Variants in RAB3GAP1 observed in about 807,000 individuals in gnomAD.
RAB3GAP1 encodes rab3 GTPase-activating protein catalytic subunit.
In RAB3GAP1, 86 loss-of-function variants were observed where a neutral mutation model predicts 130.7. The observed-to-expected ratio is 0.66, with a 90% CI of 0.55 to 0.79. The LOEUF is 0.79. Ranked by LOEUF, RAB3GAP1 falls within the 30% of genes least tolerant of loss-of-function variation. The probability of loss-of-function intolerance (pLI) is 0.00; values close to 1 mark genes in which losing one functional copy is unlikely to be tolerated. For missense variants in RAB3GAP1, 1,029 were observed against 1,169.4 expected (o/e 0.88, Z 1.75); for synonymous variants, 367 against 401.7 (o/e 0.91, Z 1.03).
chr2:135,157,735 G>T (rs950091829), intron 19 of RAB3GAP1, among the ~76,000 whole-genome samples: 1 of 151,730 alleles, frequency 6.6e-6, no homozygotes, highest in Admixed American at 6.6e-5. Context: ...AAGAGGCTGA[G>T]GCAGGAGAAT....
chr2:135,073,303 G>C (rs1010789982), intron 3 of RAB3GAP1, among the ~76,000 whole-genome samples: 3 of 152,206 alleles, frequency 2.0e-5, no homozygotes, highest in African/African-American at 7.2e-5. Flanking sequence ...GATTAGTACA[G>C]AGTAGGCAGC....
intron 22 of RAB3GAP1, among the ~76,000 whole-genome samples, chr2:135,164,080 A>G (rs1359557548): frequency 1.3e-5 from 2 of 152,224 alleles, no homozygotes; most frequent in Non-Finnish European, 2.9e-5. Context: ...TATCTGTGAC[A>G]TACTTGGAAG....
At chr2:135,056,251 G>A (rs1689007198) in intron 2 of RAB3GAP1, among the ~76,000 whole-genome samples, 1 of 151,956 alleles carries the variant, frequency 6.6e-6, no homozygotes, top group Admixed American at 6.6e-5. Flanking sequence ...TGCCCAGGCT[G>A]GGGTGCAGTG....
chr2:135,078,253 T>A (rs1689685030), intron 3 of RAB3GAP1, among the ~76,000 whole-genome samples: 1 of 152,180 alleles, frequency 6.6e-6, no homozygotes, highest in African/African-American at 2.4e-5. Context: ...AGTGAGGTTC[T>A]TTATGACTTC....
At chr2:135,097,115 A>G (rs61484003) in intron 5 of RAB3GAP1, among the ~76,000 whole-genome samples, 6,862 of 152,036 alleles carry the variant, frequency 0.045, 529 homozygotes, top group African/African-American at 0.16. Flanking sequence ...TATCAAAATC[A>G]GGAGATAGAA....
chr2:135,080,023 A>G (rs901033999), intron 3 of RAB3GAP1, among the ~76,000 whole-genome samples: 3 of 150,446 alleles, frequency 2.0e-5, no homozygotes, highest in Non-Finnish European at 4.4e-5. Context: ...AGGCTGAGGC[A>G]GGAGAATGGC....
intron 3 of RAB3GAP1, among the ~76,000 whole-genome samples, chr2:135,080,136 A>T (rs1689750977): frequency 6.6e-6 from 1 of 151,810 alleles, no homozygotes; most frequent in Non-Finnish European, 1.5e-5. Context: ...AAAAAAAAAA[A>T]AATGAGGTTA....
rs79467775 is a variant in RAB3GAP1, at chr2:135,119,412, A to G, written c.649-1407A>G. Among the ~76,000 whole-genome samples the G allele has an allele frequency of 1.1e-4, 16 of 152,100 alleles. No individual in the cohort carries two copies. The East Asian group carries it at 2.9e-3, about 28-fold the overall frequency. On this transcript the variant is annotated intron_variant, in intron 7 of 23. Coordinates refer to ENST00000264158, the MANE Select transcript of RAB3GAP1 (RefSeq NM_012233.3). ...GGCGTGAGCCACTGCGCTTGGCCATAATTATTTCTTTTCTGGGTATCTGTT... is the reference window on the plus strand; with the variant it reads ...GGCGTGAGCCACTGCGCTTGGCCATGATTATTTCTTTTCTGGGTATCTGTT...
intron 12 of RAB3GAP1, 124 bp from the exon 13 acceptor site, chr2:135,130,428 C>A: frequency 1.2e-6 from 1 of 809,778 alleles, no homozygotes; most frequent in Non-Finnish European, 1.9e-6. Flanking sequence ...TTTTATAATT[C>A]CAAGACCATG....
chr2:135,138,149 T>C (rs1691730251), intron 17 of RAB3GAP1, among the ~76,000 whole-genome samples: 1 of 151,466 alleles, frequency 6.6e-6, no homozygotes, highest in Non-Finnish European at 1.5e-5. Context: ...ATTGTGAAAA[T>C]TGTAATCTAG....
At chr2:135,115,136 A>T (rs987108091) in intron 6 of RAB3GAP1, 80 bp from the exon 7 acceptor site, 5 of 1,391,814 alleles carry the variant, frequency 3.6e-6, no homozygotes, top group Non-Finnish European at 5.0e-6. Flanking sequence ...TTGAGATTAA[A>T]ATAATTTGGA....
chr2:135,064,777 T>C (rs1364879043), intron 3 of RAB3GAP1, among the ~76,000 whole-genome samples: 2 of 148,806 alleles, frequency 1.3e-5, no homozygotes, highest in Non-Finnish European at 3.0e-5. Context: ...TTTTGATATG[T>C]GTATCCAGTA....
intron 17 of RAB3GAP1, among the ~76,000 whole-genome samples, chr2:135,138,989 C>A (rs1239885268): frequency 6.6e-6 from 1 of 152,066 alleles, no homozygotes; most frequent in African/African-American, 2.4e-5. Flanking sequence ...AGTAGTATCT[C>A]AGTGTTTTAG....
intron 5 of RAB3GAP1, among the ~76,000 whole-genome samples, chr2:135,107,989 A>C (rs1242695076): frequency 1.3e-5 from 2 of 150,954 alleles, no homozygotes; most frequent in East Asian, 3.9e-4. Flanking sequence ...AAAAAAAAAA[A>C]AAAAAAAAAA....
chr2:135,129,922 T>C, intron 11 of RAB3GAP1, 73 bp from the exon 12 acceptor site: 1 of 949,446 alleles, frequency 1.1e-6, no homozygotes, highest in Non-Finnish European at 1.7e-6. Context: ...TGTGGAAAGA[T>C]GTACTTTAAT....
intron 3 of RAB3GAP1, among the ~76,000 whole-genome samples, chr2:135,061,759 C>T (rs1259907861): frequency 1.3e-5 from 2 of 151,808 alleles, no homozygotes; most frequent in Non-Finnish European, 2.9e-5. Context: ...ATGCATTTTT[C>T]TAGAGGGTTT....
intron 7 of RAB3GAP1, among the ~76,000 whole-genome samples, chr2:135,117,549 T>TCTTCTGCTGCTTCTTCTTCTG (rs1558784329): frequency 2.4e-5 from 2 of 83,600 alleles, no homozygotes; most frequent in African/African-American, 7.4e-5. Flanking sequence ...TTCTGCTTCT[T>TCTTCTGCTGCTTCTTCTTCTG]CTTCTTCTGC....
intron 17 of RAB3GAP1, among the ~76,000 whole-genome samples, chr2:135,146,376 T>G (rs1691994808): frequency 6.6e-6 from 1 of 151,932 alleles, no homozygotes; most frequent in African/African-American, 2.4e-5. Context: ...TAAGCCTGAC[T>G]AATTTTTGTA....
intron 19 of RAB3GAP1, 123 bp downstream of exon 19, chr2:135,153,999 A>C: frequency 1.1e-6 from 1 of 893,058 alleles, no homozygotes; most frequent in African/African-American, 1.7e-5. Flanking sequence ...AAATTCAATG[A>C]GCGTTTTATA....
Sources: allele counts gnomAD v4.1 joint callset (sites outside exome capture counted in the v4.1 genomes callset), GRCh38; gene constraint gnomAD v4.1.1; transcripts MANE v1.5; gene names NCBI Gene and HGNC (gene_info 2026-07-23, HGNC 2026-07-21).